The following KLK7 variants were observed in gnomAD, a reference collection of about 807,000 sequenced individuals.
KLK7 encodes kallikrein related peptidase 7, also known as kallikrein-7.
A neutral mutation model predicts 21.0 loss-of-function variants in KLK7; 17 were observed. The observed-to-expected ratio is 0.81, with a 90% confidence interval of 0.55 to 1.21. The LOEUF (loss-of-function observed/expected upper bound fraction) is 1.21. Among genes scored for constraint, KLK7 ranks in the 50% most tolerant of loss-of-function variants. KLK7 has a pLI of 0.00. For missense variants in KLK7, 330 were observed against 322.8 expected, an observed-to-expected ratio of 1.02 and a Z score of -0.17; for synonymous variants, 151 against 134.6, an observed-to-expected ratio of 1.12 and a Z score of -0.85.
intron 3 of KLK7, among the ~76,000 whole-genome samples, chr19:50,981,223 A>G (rs1464659534): frequency 7.3e-6 from 1 of 137,546 alleles, no homozygotes; most frequent in East Asian, 2.6e-4. Flanking sequence ...AACAGAGACC[A>G]GAGAGAGAGG....
At position 50,979,930 on chromosome 19, in the gene KLK7, G is replaced by C; in HGVS notation, c.470-6C>G. On this transcript the variant is annotated splice_polypyrimidine_tract_variant and splice_region_variant and intron_variant, in intron 4 of 5. Transcript: ENST00000595820. ...GAGGTCAGAGGGAAAGGTCACTGCA[G>C]GGAGGAGCAGGGAGAGCTGTCAGTC... is the stretch of plus-strand genomic sequence containing the variant. 6.3e-7 allele frequency: 1 copy of C among 1,591,224 alleles called. No individual in the cohort carries two copies. Among genetic ancestry groups the C allele is most frequent in the Non-Finnish European group, 8.6e-7 (1 of 1,168,656 alleles).
chr19:50,982,290 C>G, intron 2 of KLK7, 37 bp downstream of exon 2: 1 of 1,595,796 alleles, frequency 6.3e-7, no homozygotes, highest in Non-Finnish European at 8.5e-7. Context: ...CAGTGGGGGC[C>G]CTGAGGTGAG....
chr19:50,979,682 A>C, intron 5 of KLK7, 106 bp downstream of exon 5: 1 of 1,105,926 alleles, frequency 9.0e-7, no homozygotes, highest in Non-Finnish European at 1.3e-6. Flanking sequence ...GCCTGGGGGG[A>C]GGGCAAGGCC....
At chr19:50,978,156 A>C (rs2091050556) in intron 5 of KLK7, among the ~76,000 whole-genome samples, 1 of 152,220 alleles carries the variant, frequency 6.6e-6, no homozygotes, top group African/African-American at 2.4e-5. Flanking sequence ...GAATTTCAAG[A>C]CAACAGCAGG....
At chr19:50,978,916 G>T (rs971353234) in intron 5 of KLK7, among the ~76,000 whole-genome samples, 1 of 134,274 alleles carries the variant, frequency 7.4e-6, no homozygotes, top group Non-Finnish European at 1.6e-5. Context: ...GAGGAGAGAG[G>T]GAGGGGAGGA....
In KLK7 at chr19:50,979,857, A is replaced by G. The variant is rs1346694462; in HGVS notation, c.537T>C (p.Val179=). The G allele has an allele frequency of 1.3e-6, 2 of 1,586,232 alleles. 1 individual carries two copies. Among genetic ancestry groups the G allele is most frequent in the South Asian group, 2.3e-5 (2 of 86,628 alleles). Reference sequence around the variant, plus strand: ...TGGAATTTTCCAGTAAGTCCTTGTAAACCTTCGTGCAGTCCTGGGGGGAGA... The same window carrying G: ...TGGAATTTTCCAGTAAGTCCTTGTAGACCTTCGTGCAGTCCTGGGGGGAGA... ...KLISPQDCTK[V]YKDLLENSML... The change falls in exon 5 of 6, where the codon GTT becomes GTC. Residue 179 remains valine (V), a synonymous_variant. Transcript: ENST00000595820.
Position 50,977,679 on chromosome 19 carries a change from C to A in KLK7, c.619G>T (p.Gly207Ter), listed in dbSNP as rs758229547. 1.9e-6 allele frequency: 3 copies of A among 1,613,120 alleles called. No individual in the cohort carries two copies. Among genetic ancestry groups the A allele is most frequent in the South Asian group, 2.2e-5 (2 of 91,044 alleles). The change falls in exon 6 of 6, where the codon GGA (glycine) becomes TGA (stop). Residue 207 changes from glycine to a stop codon, truncating the protein, a stop_gained. Coordinates refer to ENST00000595820, the MANE Select transcript of KLK7 (RefSeq NM_005046.4). LOFTEE classifies it low-confidence loss of function (END_TRUNC). ...AGGGTACCTCTGCACACCAACGGTC[C>A]CCCTGAGTCACCCTAGAGGGAATAG... ...KKNACNGDSGGPLVCRGTLQG... is the reference protein window; with the variant it reads ...KKNACNGDSG
intron 2 of KLK7, 106 bp downstream of exon 2, chr19:50,982,221 C>T (rs1478024079): frequency 1.2e-5 from 17 of 1,440,060 alleles, no homozygotes; most frequent in Non-Finnish European, 1.5e-5. Context: ...CTGGTCCTCC[C>T]AGGATGGAAG....
intron 3 of KLK7, 43 bp downstream of exon 3, chr19:50,981,724 G>A: frequency 6.6e-7 from 1 of 1,520,588 alleles, no homozygotes; most frequent in Non-Finnish European, 8.9e-7. Flanking sequence ...TAGCGAGCTG[G>A]AGACGCTGGT....
intron 1 of KLK7, among the ~76,000 whole-genome samples, chr19:50,983,473 T>G (rs1188428700): frequency 6.8e-5 from 3 of 44,264 alleles, no homozygotes; most frequent in East Asian, 6.0e-4. Flanking sequence ...CCCCAGCCCC[T>G]CCTCCCTCAG....
rs747291499 is a variant in KLK7, at chr19:50,977,445, G to T, written c.*91C>A. ...GGTTTAAATATATCTTTGAGGAAAG[G>T]TAAAGTCAAATTTGACTTCATAGGT... On this transcript the variant is annotated 3_prime_UTR_variant, in exon 6 of 6. Coordinates refer to ENST00000595820, the MANE Select transcript of KLK7 (RefSeq NM_005046.4). 1 of 1,273,522 alleles carries T rather than the reference G, an allele frequency of 7.9e-7. No individual in the cohort carries two copies. 78.9% of individuals were successfully genotyped at this position (1,273,522 alleles called of 1,614,324 possible).
At chr19:50,984,010 C>T (rs1468792837), upstream of KLK7, 1 of 1,025,216 alleles carries the variant, frequency 9.8e-7, no homozygotes, top group Non-Finnish European at 1.3e-6. Flanking sequence ...CTGGGACACC[C>T]CCGCCTGCAT....
Position 50,977,930 on chromosome 19 carries a change from G to T in KLK7, c.607-239C>A, listed in dbSNP as rs1269136001. Among the ~76,000 whole-genome samples, 3 of 152,140 alleles carry T rather than the reference G, an allele frequency of 2.0e-5. No homozygotes were observed. The East Asian group carries it at 5.8e-4, about 29-fold the overall frequency. On this transcript the variant is annotated intron_variant, in intron 5 of 5. Transcript: ENST00000595820. ...AGACCAATTGCAGAGAAGGGGTGGG[G>T]CTTCCAGGATCAGAGCACTCTTTAT...
Position 50,979,774 on chromosome 19 carries a change from G to C in KLK7, c.606+14C>G, listed in dbSNP as rs371139118. The C allele has an allele frequency of 6.4e-7, 1 of 1,563,274 alleles. No homozygotes were observed. On this transcript the variant is annotated intron_variant, in intron 5 of 5. Transcript: ENST00000595820. ...TACCCAGGACTGGGGAGGAATTGGGGGGGAGGGTCTCACATTGCAGGCGTT... is the reference window on the plus strand; with the variant it reads ...TACCCAGGACTGGGGAGGAATTGGGCGGGAGGGTCTCACATTGCAGGCGTT...
rs2091099024 is a variant in KLK7 at position 50,982,601 on chromosome 19, T to G, written c.-58-144A>C. ...CAGGGGTCCAGGCCCCAGCCCCTCC[T>G]CCCTCAGACCTAGGGGTCCAGAACC... On this transcript the variant is annotated intron_variant, in intron 1 of 5. Transcript: ENST00000595820. 3 of 472,900 alleles carry G rather than the reference T, an allele frequency of 6.3e-6. No individual in the cohort carries two copies. In the African/African-American group the frequency reaches 1.4e-4, roughly 22 times the overall value. The allele number at this position is 472,900 out of a possible 1,614,324, so 29.3% of individuals were successfully genotyped here. A position where few individuals can be genotyped will look rare whatever the true frequency, so the allele number is the denominator to read the frequency against.
intron 3 of KLK7, 132 bp from the exon 4 acceptor site, chr19:50,980,619 GACAGAGACCCAGAGAGAGGGGA>G: frequency 9.6e-7 from 1 of 1,037,536 alleles, no homozygotes; most frequent in Non-Finnish European, 1.4e-6. Context: ...GAGGAGGGGA[GACAGAGACCCAGAGAGAGGGGA>G]ACAGAGATCC....
rs772780663 is a variant in KLK7, at chr19:50,980,411, G to A, written c.298C>T (p.Arg100Cys). 2.7e-5 allele frequency: 43 copies of A among 1,614,004 alleles called. 1 individual carries two copies. Among genetic ancestry groups the A allele is most frequent in the South Asian group, 2.4e-4 (22 of 91,070 alleles). ...GTCTGTGTGGAGTAGCCGGGGTGGC[G>A]GAATGACTTCGAGGCCTTGATCCTC... The part of the protein sequence containing the change: ...AQRIKASKSF[R>C]HPGYSTQTHV... Residue 100 changes from arginine (R) to cysteine (C), a missense_variant, in exon 4 of 6, where the codon CGC becomes TGC. Arg to Cys is a radical substitution (Grantham distance 180, BLOSUM62 -3). Transcript: ENST00000595820.
chr19:50,982,337 T>C lies in KLK7; in HGVS notation c.63A>G (p.Ala21=). 4 of 1,610,398 alleles carry C rather than the reference T, an allele frequency of 2.5e-6. No individual in the cohort carries two copies. The highest frequency in any genetic ancestry group is 3.4e-6 in the Non-Finnish European group (4 of 1,178,504). Residue 21 remains alanine, a synonymous_variant, in exon 2 of 6, where the codon GCA becomes GCG. Coordinates refer to ENST00000595820, the MANE Select transcript of KLK7 (RefSeq NM_005046.4). ...ILLLSLALET[A]GEEAQGDKII... ...CAGTCCAGCTTTCACCTTCTTCTCC[T>C]GCAGTTTCCAAGGCTAAGGATAGCA...
At chr19:50,983,440 C>A (rs2091107095) in intron 1 of KLK7, among the ~76,000 whole-genome samples, 1 of 141,750 alleles carries the variant, frequency 7.1e-6, no homozygotes. Flanking sequence ...AGCCCCTCCT[C>A]CCTCAGACCC....
Sources: gnomAD v4.1 joint callset for allele counts (sites outside exome capture counted in the v4.1 genomes callset) on GRCh38, gnomAD v4.1.1 for gene constraint, MANE v1.5 for transcripts, NCBI Gene and HGNC (gene_info 2026-07-23, HGNC 2026-07-21) for gene names.